Variants in AMER3 observed in about 807,000 individuals in gnomAD.
AMER3 encodes the protein APC membrane recruitment protein 3.
For missense variants in AMER3, 1,201 were observed against 1,139.4 expected, an observed-to-expected ratio of 1.05 and a Z score of -0.78; for synonymous variants, 541 against 485.5, an observed-to-expected ratio of 1.11 and a Z score of -1.50.
Position 130,766,854 on chromosome 2 carries a change from G to A in AMER3, c.*2196G>A, listed in dbSNP as rs1447885911. The A allele has an allele frequency of 6.0e-6, 1 of 167,018 alleles. No homozygotes were observed. The highest frequency in any genetic ancestry group is 1.5e-5 in the Non-Finnish European group (1 of 68,156). The allele number at this position is 167,018 out of a possible 1,614,324, so 10.3% of individuals were successfully genotyped here. A position where few individuals can be genotyped will look rare whatever the true frequency, so the allele number is the denominator to read the frequency against. ...CGGGACCCTCCCACCCTTGTTGATGGGCAGTGCTAGATTATTTGTCACGAA... is the reference window on the plus strand; with the variant it reads ...CGGGACCCTCCCACCCTTGTTGATGAGCAGTGCTAGATTATTTGTCACGAA... On this transcript the variant is annotated 3_prime_UTR_variant, in exon 2 of 2. Coordinates refer to ENST00000321420, the MANE Select transcript of AMER3 (RefSeq NM_152698.3).
At chr2:130,758,967 A>G (rs1368930063) in intron 1 of AMER3, among the ~76,000 whole-genome samples, 3 of 152,200 alleles carry the variant, frequency 2.0e-5, no homozygotes, top group Admixed American at 1.3e-4. Context: ...ACAGAAGTTG[A>G]CTTCTCAGTC....
At chr2:130,761,429 C>T (rs1424563681) in intron 1 of AMER3, among the ~76,000 whole-genome samples, 2 of 152,266 alleles carry the variant, frequency 1.3e-5, no homozygotes, top group Non-Finnish European at 2.9e-5. Flanking sequence ...GTCCCATGCT[C>T]ACCTCCCACC....
rs747885162 is a variant in AMER3, at chr2:130,762,145, G to A, written c.73G>A (p.Ala25Thr). The A allele has an allele frequency of 2.5e-6, 4 of 1,609,218 alleles. No homozygotes were observed. The highest frequency in any genetic ancestry group is 2.2e-5 in the East Asian group (1 of 44,828). ...QVSHEKPPDPAAVAAAREGTG... is the reference protein window; with the variant it reads ...QVSHEKPPDPTAVAAAREGTG... ...TTCCCACGAGAAACCCCCAGACCCA[G>A]CAGCCGTGGCTGCAGCCAGGGAGGG... Residue 25 changes from alanine to threonine, a missense_variant, in exon 2 of 2, where the codon GCA becomes ACA. By Grantham distance (58) the Ala-to-Thr change is moderately conservative. Coordinates refer to ENST00000321420, the MANE Select transcript of AMER3 (RefSeq NM_152698.3).
Position 130,762,268 on chromosome 2 carries a change from CCCAACAAAGGGGCGCAGCTGGA to C in AMER3, c.199_220del (p.Asn67ProfsTer53). 1 of 1,580,718 alleles carries C rather than the reference CCCAACAAAGGGGCGCAGCTGGA, an allele frequency of 6.3e-7. No homozygotes were observed. Reference sequence around the variant, plus strand: ...CAGTGCCCAAGAATACGACAGATGCCCCAACAAAGGGGCGCAGCTGGACCCCAAAGGGGGACCCGCAGCCCTC... The same window carrying C: ...CAGTGCCCAAGAATACGACAGATGCCCCCCAAAGGGGGACCCGCAGCCCTC... On this transcript the variant is annotated frameshift_variant, in exon 2 of 2. Coordinates refer to ENST00000321420, the MANE Select transcript of AMER3 (RefSeq NM_152698.3). LOFTEE classifies it low-confidence loss of function (END_TRUNC).
rs563485985 is a variant in AMER3, at chr2:130,765,781, C to T, written c.*1123C>T. On this transcript the variant is annotated 3_prime_UTR_variant, in exon 2 of 2. Transcript: ENST00000321420. ...CCAGTTTGCCTTCTTTATTTGTTCT[C>T]CCTGGGCCTCAGCAGATTGAATGCT... The T allele has an allele frequency of 1.8e-5, 3 of 167,156 alleles. No individual in the cohort carries two copies. In the South Asian group the frequency reaches 6.2e-4, roughly 35 times the overall value. 10.4% of individuals were successfully genotyped at this position (167,156 alleles called of 1,614,324 possible). A position where few individuals can be genotyped will look rare whatever the true frequency, so the allele number is the denominator to read the frequency against.
chr2:130,762,498 G>A lies in AMER3; in HGVS notation c.426G>A (p.Val142=), dbSNP rs771202852. 8 of 1,613,180 alleles carry A rather than the reference G, an allele frequency of 5.0e-6. No individual in the cohort carries two copies. The African/African-American group carries it at 1.1e-4, about 22-fold the overall frequency. ...CCCAGATGCCCTTTGTGCCAGCTGTGGCCAAGAGCATCCCGAGGAAGAGGA... is the reference window on the plus strand; with the variant it reads ...CCCAGATGCCCTTTGTGCCAGCTGTAGCCAAGAGCATCCCGAGGAAGAGGA... ...FVPQMPFVPA[V]AKSIPRKRIS... The change falls in exon 2 of 2, where the codon GTG becomes GTA. Residue 142 remains valine, a synonymous_variant. Coordinates refer to ENST00000321420, the MANE Select transcript of AMER3 (RefSeq NM_152698.3).
chr2:130,759,395 A>C, intron 1 of AMER3, among the ~76,000 whole-genome samples: 1 of 152,260 alleles, frequency 6.6e-6, no homozygotes, highest in Non-Finnish European at 1.5e-5. Flanking sequence ...ATATCAAATA[A>C]AACATTTTTG....
chr2:130,755,750 TGCCTTGCAGCCCCA>T (rs912473713), intron 1 of AMER3, 76 bp downstream of exon 1: 1 of 152,422 alleles, frequency 6.6e-6, no homozygotes, highest in Non-Finnish European at 1.5e-5. Context: ...GGGAAGACCC[TGCCTTGCAGCCCCA>T]GCCTGGCCTG....
At position 130,762,499 on chromosome 2, in the gene AMER3, G is replaced by GC; in HGVS notation, c.429dup (p.Lys144GlnfsTer29). 7 of 1,613,334 alleles carry GC rather than the reference G, an allele frequency of 4.3e-6. No homozygotes were observed. The highest frequency in any genetic ancestry group is 5.9e-6 in the Non-Finnish European group (7 of 1,180,008). On this transcript the variant is annotated frameshift_variant, in exon 2 of 2. Coordinates refer to ENST00000321420, the MANE Select transcript of AMER3 (RefSeq NM_152698.3). LOFTEE classifies it low-confidence loss of function (END_TRUNC). ...CCAGATGCCCTTTGTGCCAGCTGTGGCCAAGAGCATCCCGAGGAAGAGGAT... is the reference window on the plus strand; with the variant it reads ...CCAGATGCCCTTTGTGCCAGCTGTGGCCCAAGAGCATCCCGAGGAAGAGGAT...
Position 130,762,636 on chromosome 2 carries a change from G to A in AMER3, c.564G>A (p.Gly188=), listed in dbSNP as rs777251443. Residue 188 remains glycine (G), a synonymous_variant, in exon 2 of 2, where the codon GGG becomes GGA. Coordinates refer to ENST00000321420, the MANE Select transcript of AMER3 (RefSeq NM_152698.3). ...AGGGGAAAAGCCTGCCCTCCCCAGG[G>A]GACCCGTCAGACCCTGGGGGGCGGC... ...AAEGKSLPSP[G]DPSDPGGRRS... is the part of the protein sequence containing the mutation. 5.0e-6 allele frequency: 8 copies of A among 1,611,974 alleles called. No homozygotes were observed. In the Admixed American group the frequency reaches 1.2e-4, roughly 23 times the overall value.
In AMER3 at chr2:130,763,686, G is replaced by T; in HGVS notation, c.1614G>T (p.Arg538Ser). Residue 538 changes from arginine (R) to serine (S), a missense_variant, in exon 2 of 2, where the codon AGG (arginine) becomes AGT (serine). By Grantham distance (110) the Arg-to-Ser change is moderately radical. Transcript: ENST00000321420. The stretch of plus-strand genomic sequence containing the variant: ...CACCTGGTTCCCAGGGAGCCCCTAG[G>T]GCACCCACAGAGAAGCTGGGGGGCA... ...AAPPGSQGAP[R>S]APTEKLGGRE... is the part of the protein sequence containing the mutation. 6.5e-7 allele frequency: 1 copy of T among 1,538,366 alleles called. No homozygotes were observed.
In AMER3 at chr2:130,763,431, G is replaced by C; in HGVS notation, c.1359G>C (p.Leu453=). The change falls in exon 2 of 2, where the codon CTG becomes CTC. Residue 453 remains leucine, a synonymous_variant. Transcript: ENST00000321420. Reference sequence around the variant, plus strand: ...CTGAGAGTCTGTCAGGGCCGGCCCTGGGGACGCCACTGTCCATATGCAGCT... The same window carrying C: ...CTGAGAGTCTGTCAGGGCCGGCCCTCGGGACGCCACTGTCCATATGCAGCT... ...CVSESLSGPA[L]GTPLSICSFR... is the part of the protein sequence containing the mutation. 1.2e-6 allele frequency: 2 copies of C among 1,612,990 alleles called. No individual in the cohort carries two copies. Among genetic ancestry groups the C allele is most frequent in the Non-Finnish European group, 1.7e-6 (2 of 1,180,010 alleles).
In AMER3 at chr2:130,764,646, G is replaced by T. The variant is rs777237255; in HGVS notation, c.2574G>T (p.Glu858Asp). The change falls in exon 2 of 2, where the codon GAG becomes GAT. Residue 858 changes from glutamate (E) to aspartate (D), a missense_variant. By Grantham distance (45) the Glu-to-Asp change is conservative. Transcript: ENST00000321420. ...EVGASGPAMA[E>D]PHL ...GGGCCTCTGGGCCAGCCATGGCTGA[G>T]CCCCATCTGTAGGACAGGCTCACAT... is the stretch of plus-strand genomic sequence containing the variant. 1 of 1,604,466 alleles carries T rather than the reference G, an allele frequency of 6.2e-7. No homozygotes were observed. The highest frequency in any genetic ancestry group is 1.1e-5 in the South Asian group (1 of 89,856).
In AMER3 at chr2:130,763,266, C is replaced by T. The variant is rs561610122; in HGVS notation, c.1194C>T (p.Asp398=). ...CCTTCTCGCCAGGACTTGAGGAGGACAAGAAGGAAGCTGAGAGCCCAGGCA... is the reference window on the plus strand; with the variant it reads ...CCTTCTCGCCAGGACTTGAGGAGGATAAGAAGGAAGCTGAGAGCCCAGGCA... ...YDSFSPGLEE[D]KKEAESPGTP... The change falls in exon 2 of 2, where the codon GAC becomes GAT. Residue 398 remains aspartate, a synonymous_variant. Transcript: ENST00000321420. 6.2e-7 allele frequency: 1 copy of T among 1,613,716 alleles called. No individual in the cohort carries two copies. Among genetic ancestry groups the T allele is most frequent in the Non-Finnish European group, 8.5e-7 (1 of 1,180,026 alleles).
Position 130,764,322 on chromosome 2 carries a change from G to T in AMER3, c.2250G>T (p.Gln750His), listed in dbSNP as rs766470233. The change falls in exon 2 of 2, where the codon CAG becomes CAT. Residue 750 changes from glutamine (Q) to histidine (H), a missense_variant. Coordinates refer to ENST00000321420, the MANE Select transcript of AMER3 (RefSeq NM_152698.3). The part of the protein sequence containing the change: ...TQDQRCRDRV[Q>H]DLSWLRVEPT... Reference sequence around the variant, plus strand: ...ACCAGAGGTGTCGAGATCGTGTCCAGGACCTGAGCTGGCTCAGGGTGGAGC... The same window carrying T: ...ACCAGAGGTGTCGAGATCGTGTCCATGACCTGAGCTGGCTCAGGGTGGAGC... 3.5e-5 allele frequency: 56 copies of T among 1,608,762 alleles called. No individual in the cohort carries two copies. The South Asian group carries it at 5.4e-4, about 15-fold the overall frequency.
intron 1 of AMER3, among the ~76,000 whole-genome samples, chr2:130,757,570 C>T (rs1485930947): frequency 2.6e-5 from 4 of 152,202 alleles, no homozygotes; most frequent in Non-Finnish European, 5.9e-5. Flanking sequence ...GCTCTGGTCA[C>T]TTGAGCTGCT....
intron 1 of AMER3, among the ~76,000 whole-genome samples, chr2:130,760,383 C>T (rs1244719713): frequency 1.3e-5 from 2 of 152,230 alleles, no homozygotes; most frequent in Non-Finnish European, 2.9e-5. Flanking sequence ...GAGGCAGTCC[C>T]TCGCCCCCCT....
chr2:130,764,462 C>A lies in AMER3; in HGVS notation c.2390C>A (p.Ser797Ter). ...HGSQLDSEPR[S>*]APAARWSSQG... ...AGCCAGCTGGACTCTGAGCCCCGCTCAGCCCCTGCTGCCCGGTGGAGTTCC... is the reference window on the plus strand; with the variant it reads ...AGCCAGCTGGACTCTGAGCCCCGCTAAGCCCCTGCTGCCCGGTGGAGTTCC... Residue 797 changes from serine to a stop codon, truncating the protein, a stop_gained, in exon 2 of 2, where the codon TCA (serine) becomes TAA (stop). Coordinates refer to ENST00000321420, the MANE Select transcript of AMER3 (RefSeq NM_152698.3). LOFTEE classifies it low-confidence loss of function (END_TRUNC). 1 of 1,600,380 alleles carries A rather than the reference C, an allele frequency of 6.2e-7. No homozygotes were observed. Among genetic ancestry groups the A allele is most frequent in the South Asian group, 1.1e-5 (1 of 89,294 alleles).
chr2:130,758,343 A>G (rs576528518), intron 1 of AMER3, among the ~76,000 whole-genome samples: 3 of 151,380 alleles, frequency 2.0e-5, no homozygotes, highest in African/African-American at 7.3e-5. Flanking sequence ...AAGCCTGGGC[A>G]ACAGAGGGAG....
Sources: allele counts gnomAD v4.1 joint callset (sites outside exome capture counted in the v4.1 genomes callset), GRCh38; gene constraint gnomAD v4.1.1; transcripts MANE v1.5; gene names NCBI Gene and HGNC (gene_info 2026-07-23, HGNC 2026-07-21).